Variants in TRIM2 observed in about 807,000 individuals in gnomAD.
TRIM2 encodes tripartite motif containing 2, also known as tripartite motif-containing protein 2.
TRIM2 carries 20 observed loss-of-function variants against 75.2 expected under a neutral mutation model. The ratio of observed to expected loss-of-function variants is 0.27; its 90% CI spans 0.19 to 0.39. The LOEUF (loss-of-function observed/expected upper bound fraction) is 0.39, where lower values mean the gene tolerates loss of function less well. TRIM2 is among the 10% of genes least tolerant of loss of function. The probability of loss-of-function intolerance (pLI) is 1.00; values close to 1 mark genes in which losing one functional copy is unlikely to be tolerated. For synonymous variants in TRIM2, 373 were observed against 388.3 expected, an observed-to-expected ratio of 0.96 and a Z score of 0.46; for missense variants, 660 against 990.8, an observed-to-expected ratio of 0.67 and a Z score of 4.48.
In TRIM2 at chr4:153,216,805, G is replaced by A. The variant is rs544299744; in HGVS notation, c.30+12245G>A. Among the ~76,000 whole-genome samples, 3 of 152,298 alleles carry A rather than the reference G, an allele frequency of 2.0e-5. No homozygotes were observed. The East Asian group carries it at 5.8e-4, about 29-fold the overall frequency. On this transcript the variant is annotated intron_variant, in intron 1 of 11. Transcript: ENST00000338700. ...AGGGGATGGAAGGACAAAAGGGCTT[G>A]CTAGTTCCCTCAAGTCCTTTTATAA...
At chr4:153,153,154 T>A (rs1728877811) in exon 1 of TRIM2, 1 of 152,286 alleles carries the variant, frequency 6.6e-6, no homozygotes, top group African/African-American at 2.4e-5. Context: ...TGAGGGGCTT[T>A]CAGCTGGTCG....
rs1217667637 is a variant in TRIM2, at chr4:153,295,462, C to G, written c.936C>G (p.Ala312=). The part of the protein sequence containing the change: ...KQMSEKLNEL[A]DQDFPLHPRE... ...TGAGCGAGAAGCTGAACGAGCTGGC[C>G]GACCAGGACTTCCCCTTGCACCCGC... The change falls in exon 6 of 12, where the codon GCC becomes GCG. Residue 312 remains alanine, a synonymous_variant. Transcript: ENST00000338700. The surrounding 1 kb of genome is among the most constrained non-coding windows in gnomAD (Gnocchi z 7.2). The G allele has an allele frequency of 6.2e-7, 1 of 1,614,050 alleles. No homozygotes were observed. Among genetic ancestry groups the G allele is most frequent in the East Asian group, 2.2e-5 (1 of 44,880 alleles).
rs551110423 is a variant in TRIM2, at chr4:153,267,479, C to T, written c.31-2856C>T. ...CATCCTGGCTAACATGGTGAAACCC[C>T]ATCTCTACTAAAAATACAAAAAATT... On this transcript the variant is annotated intron_variant, in intron 1 of 11. Transcript: ENST00000338700. 3.3e-3 allele frequency among the ~76,000 whole-genome samples: 371 copies of T among 112,556 alleles called. 2 individuals carry two copies. Among genetic ancestry groups the T allele is most frequent in the African/African-American group, 0.015 (354 of 23,506 alleles). 73.8% of individuals were successfully genotyped at this position (112,556 alleles called of 152,430 possible).
intron 1 of TRIM2, among the ~76,000 whole-genome samples, chr4:153,166,170 A>G (rs1730284064): frequency 6.6e-6 from 1 of 152,122 alleles, no homozygotes. Flanking sequence ...TTTGCTCTGA[A>G]GATACTAAAT....
chr4:153,171,602 A>AC (rs1730856040), intron 1 of TRIM2, among the ~76,000 whole-genome samples: 1 of 149,948 alleles, frequency 6.7e-6, no homozygotes, highest in Admixed American at 6.7e-5. Flanking sequence ...ACAAAACAAA[A>AC]CAAAAAAATA....
chr4:153,224,134 G>A (rs368416551), intron 1 of TRIM2, among the ~76,000 whole-genome samples: 1 of 152,212 alleles, frequency 6.6e-6, no homozygotes, highest in East Asian at 1.9e-4. Flanking sequence ...GGCAGAACTG[G>A]TACCTGCCCT....
chr4:153,240,468 A>G (rs1746260778), intron 1 of TRIM2, among the ~76,000 whole-genome samples: 1 of 152,234 alleles, frequency 6.6e-6, no homozygotes, highest in South Asian at 2.1e-4. Flanking sequence ...TAAAACAAAA[A>G]TCAAATAATG....
At chr4:153,243,826 C>T (rs35040874) in intron 1 of TRIM2, among the ~76,000 whole-genome samples, 11 of 133,920 alleles carry the variant, frequency 8.2e-5, no homozygotes, top group East Asian at 4.9e-4. Context: ...TTTCCCCCCC[C>T]CCTTGAGACA....
chr4:153,283,085 A>G (rs1225222452), intron 3 of TRIM2, among the ~76,000 whole-genome samples: 1 of 152,168 alleles, frequency 6.6e-6, no homozygotes, highest in Admixed American at 6.5e-5. Context: ...CCAGGTCTCA[A>G]CCATTTGGAA....
At chr4:153,302,352 C>T (rs774777967) in intron 6 of TRIM2, among the ~76,000 whole-genome samples, 9 of 152,134 alleles carry the variant, frequency 5.9e-5, no homozygotes, top group South Asian at 4.1e-4. Flanking sequence ...GCCTGCCAGG[C>T]GTTATTCTAG....
chr4:153,242,288 T>C (rs1217357141), intron 1 of TRIM2, among the ~76,000 whole-genome samples: 1 of 152,054 alleles, frequency 6.6e-6, no homozygotes. Context: ...ACAAAGTTGG[T>C]ACTTAGCCTT....
chr4:153,319,780 G>A (rs537460424), intron 8 of TRIM2, among the ~76,000 whole-genome samples: 51 of 151,954 alleles, frequency 3.4e-4, no homozygotes, highest in African/African-American at 1.2e-3. Flanking sequence ...TTCTGTTTAA[G>A]ATGGGGTTGA....
intron 1 of TRIM2, among the ~76,000 whole-genome samples, chr4:153,174,321 C>T (rs1271038027): frequency 6.6e-6 from 1 of 151,928 alleles, no homozygotes; most frequent in Non-Finnish European, 1.5e-5. Context: ...AAAGCCAGAC[C>T]TTTCCATCCC....
intron 1 of TRIM2, among the ~76,000 whole-genome samples, chr4:153,247,625 C>T (rs1749559719): frequency 7.4e-6 from 1 of 134,380 alleles, no homozygotes; most frequent in African/African-American, 2.8e-5. Context: ...TTGCTGTGAG[C>T]TGAGATAGCG....
At chr4:153,155,386 T>C (rs989674032) in intron 1 of TRIM2, among the ~76,000 whole-genome samples, 1 of 152,176 alleles carries the variant, frequency 6.6e-6, no homozygotes, top group African/African-American at 2.4e-5. Flanking sequence ...CTTAATTTTG[T>C]CCACTGTACT....
chr4:153,192,635 GTC>G (rs1424274435), intron 1 of TRIM2, among the ~76,000 whole-genome samples: 3 of 147,734 alleles, frequency 2.0e-5, no homozygotes, highest in African/African-American at 7.6e-5. Flanking sequence ...AGTTAAAAGA[GTC>G]TAACAGCAAG....
chr4:153,314,039 C>G (rs1766990239), intron 6 of TRIM2, among the ~76,000 whole-genome samples: 2 of 152,132 alleles, frequency 1.3e-5, no homozygotes, highest in Admixed American at 1.3e-4. Flanking sequence ...GAGCAAAATT[C>G]ATTGTTTCCA....
chr4:153,173,920 G>A lies in TRIM2; in HGVS notation c.-49+20650G>A, dbSNP rs553777210. ...AGGCAGAGGTTGCAGAGCCAAGATC[G>A]TGCCACTGCAGTCTATCCTGGGTGA... On this transcript the variant is annotated intron_variant, in intron 1 of 11. Transcript: ENST00000437508. 5.3e-5 allele frequency among the ~76,000 whole-genome samples: 8 copies of A among 152,168 alleles called. No homozygotes were observed. The East Asian group carries it at 1.6e-3, about 30-fold the overall frequency.
intron 1 of TRIM2, among the ~76,000 whole-genome samples, chr4:153,195,857 G>T (rs1733711183): frequency 1.3e-5 from 2 of 152,042 alleles, no homozygotes; most frequent in South Asian, 4.1e-4. Context: ...TGTCGCCCAG[G>T]CTGGAGTGCA....
Sources: allele counts gnomAD v4.1 joint callset (sites outside exome capture counted in the v4.1 genomes callset), GRCh38; gene constraint gnomAD v4.1.1; non-coding constraint Gnocchi (gnomAD v3.1); transcripts MANE v1.5; gene names NCBI Gene and HGNC (gene_info 2026-07-23, HGNC 2026-07-21).